CELSR1: variants seen among roughly 807,000 people sequenced by gnomAD.
CELSR1 encodes cadherin EGF LAG seven-pass G-type receptor 1, also known as adhesion G protein-coupled receptor C1.
CELSR1 carries 110 observed loss-of-function variants against 249.1 expected under a neutral mutation model. The observed-to-expected ratio is 0.44, with a 90% CI of 0.38 to 0.52. The LOEUF (loss-of-function observed/expected upper bound fraction) is 0.52, where lower values mean the gene tolerates loss of function less well. CELSR1 is among the 20% of genes least tolerant of loss of function. CELSR1 has a pLI of 0.00. For missense variants in CELSR1, 4,109 were observed against 4,296.4 expected (o/e 0.96, Z 1.22); for synonymous variants, 2,113 against 1,900.0 (o/e 1.11, Z -2.92).
intron 29 of CELSR1, 54 bp downstream of exon 29, chr22:46,366,938 GC>G: frequency 1.9e-6 from 2 of 1,049,436 alleles, no homozygotes; most frequent in South Asian, 1.3e-5. Context: ...ACCCTCCCCC[GC>G]CCCTCGAGAT....
chr22:46,511,494 G>A (rs1467728711), intron 1 of CELSR1, among the ~76,000 whole-genome samples: 1 of 152,246 alleles, frequency 6.6e-6, no homozygotes, highest in Non-Finnish European at 1.5e-5. Flanking sequence ...TAACACGATA[G>A]TGACTGTGCT....
At chr22:46,483,385 CTTTTTTTTTT>C (rs10647586) in intron 1 of CELSR1, among the ~76,000 whole-genome samples, 1 of 81,214 alleles carries the variant, frequency 1.2e-5, no homozygotes, top group African/African-American at 4.8e-5. Context: ...CTATTCCTGA[CTTTTTTTTTT>C]TTTTTTTTTT....
At chr22:46,416,493 G>C (rs2079403477) in intron 5 of CELSR1, among the ~76,000 whole-genome samples, 1 of 152,214 alleles carries the variant, frequency 6.6e-6, no homozygotes, top group African/African-American at 2.4e-5. Flanking sequence ...AAGGCAGGCA[G>C]CGCACACAGT....
intron 5 of CELSR1, among the ~76,000 whole-genome samples, chr22:46,416,893 A>C (rs1163721497): frequency 6.7e-6 from 1 of 148,478 alleles, no homozygotes; most frequent in African/African-American, 2.5e-5. Context: ...CCAGCCTTTT[A>C]ACCTGCTGCA....
At position 46,472,037 on chromosome 22, in the gene CELSR1, C is replaced by T. The variant is rs978230920; in HGVS notation, c.3545-7692G>A. Reference sequence around the variant, plus strand: ...CCACCCAGCACTCTCTCTGCCCGTGCTCCAGGCATTCCTCCCAGGCCTGGA... The same window carrying T: ...CCACCCAGCACTCTCTCTGCCCGTGTTCCAGGCATTCCTCCCAGGCCTGGA... On this transcript the variant is annotated intron_variant, in intron 1 of 34. Transcript: ENST00000674500. The surrounding 1 kb of genome is among the most constrained non-coding windows in gnomAD (Gnocchi z 7.0). Among the ~76,000 whole-genome samples the T allele has an allele frequency of 9.2e-5, 14 of 152,182 alleles. No homozygotes were observed. Among genetic ancestry groups the T allele is most frequent in the African/African-American group, 3.4e-4 (14 of 41,444 alleles).
chr22:46,411,585 C>T lies in CELSR1; in HGVS notation c.4769+17G>A. Reference sequence around the variant, plus strand: ...GGGGGTACGGACCCCCAGGGCCTCCCCTCCTGGGATGCTCACTTCTTGGAG... The same window carrying T: ...GGGGGTACGGACCCCCAGGGCCTCCTCTCCTGGGATGCTCACTTCTTGGAG... On this transcript the variant is annotated intron_variant, in intron 6 of 34. Coordinates refer to ENST00000674500, the MANE Select transcript of CELSR1 (RefSeq NM_001378328.1). The surrounding 1 kb of genome is among the most constrained non-coding windows in gnomAD (Gnocchi z 4.2). 6.2e-7 allele frequency: 1 copy of T among 1,613,888 alleles called. No homozygotes were observed. Among genetic ancestry groups the T allele is most frequent in the Non-Finnish European group, 8.5e-7 (1 of 1,179,928 alleles).
intron 1 of CELSR1, among the ~76,000 whole-genome samples, chr22:46,519,132 C>T (rs1391450075): frequency 6.6e-6 from 1 of 152,174 alleles, no homozygotes; most frequent in East Asian, 1.9e-4. Context: ...AAGCCAGACA[C>T]AAAAGCCCAC....
chr22:46,537,229 T>C lies in CELSR1; in HGVS notation c.-59A>G. The C allele has an allele frequency of 2.0e-6, 2 of 1,013,450 alleles. No individual in the cohort carries two copies. The highest frequency in any genetic ancestry group is 2.4e-6 in the Non-Finnish European group (2 of 850,272). The allele number at this position is 1,013,450 out of a possible 1,614,324, so 62.8% of individuals were successfully genotyped here. On this transcript the variant is annotated 5_prime_UTR_variant, in exon 1 of 35. Transcript: ENST00000674500. This position sits in a 1 kb window ranked among gnomAD's most constrained non-coding sequence, Gnocchi z 5.8. The stretch of plus-strand genomic sequence containing the variant: ...ACACAATCCATGCACCCGGCGCGCC[T>C]CCGCATCCACCCGGCGAGGCCGGGG...
At chr22:46,439,086 C>T in intron 3 of CELSR1, 103 bp downstream of exon 3, 3 of 1,133,156 alleles carry the variant, frequency 2.6e-6, no homozygotes, top group Non-Finnish European at 3.9e-6. Flanking sequence ...AAAGGCCACA[C>T]ACGGAGGACA....
chr22:46,384,100 A>AT (rs1434876242), intron 20 of CELSR1, among the ~76,000 whole-genome samples: 3 of 151,640 alleles, frequency 2.0e-5, no homozygotes, highest in Non-Finnish European at 2.9e-5. Context: ...GCAGCTGGCT[A>AT]TTTTTTGTAT....
chr22:46,415,381 C>T (rs983940128), intron 5 of CELSR1, among the ~76,000 whole-genome samples: 2 of 152,158 alleles, frequency 1.3e-5, no homozygotes, highest in African/African-American at 4.8e-5. Context: ...AACTCCTGAC[C>T]TCAAGTGATC....
rs775334833 is a variant in CELSR1 at position 46,410,357 on chromosome 22, T to G, written c.4933+41A>C. 1.3e-6 allele frequency: 2 copies of G among 1,599,116 alleles called. No homozygotes were observed. The highest frequency in any genetic ancestry group is 2.7e-5 in the African/African-American group (2 of 74,472). ...GTGTGGCTGCCGACGTCCAGCCAGA[T>G]GCCACTGCGGCAGCTCCGACGCCCT... On this transcript the variant is annotated intron_variant, in intron 7 of 34. Transcript: ENST00000674500. The surrounding 1 kb of genome is among the most constrained non-coding windows in gnomAD (Gnocchi z 6.8).
At chr22:46,439,481 G>A (rs975914375) in intron 2 of CELSR1, 70 bp from the exon 3 acceptor site, 45 of 1,322,314 alleles carry the variant, frequency 3.4e-5, no homozygotes, top group South Asian at 2.1e-4. Context: ...CGAGCCTGTC[G>A]CAGACCCTGG....
At chr22:46,370,027 G>A (rs1159587203) in intron 25 of CELSR1, 7 of 630,952 alleles carry the variant, frequency 1.1e-5, no homozygotes, top group African/African-American at 7.2e-5. Flanking sequence ...CTCCTGGATT[G>A]GCCCCATGAG....
In CELSR1 at chr22:46,391,879, G is replaced by C. The variant is rs561913948; in HGVS notation, c.5965-63C>G. On this transcript the variant is annotated intron_variant, in intron 14 of 34. Coordinates refer to ENST00000674500, the MANE Select transcript of CELSR1 (RefSeq NM_001378328.1). This position sits in a 1 kb window ranked among gnomAD's most constrained non-coding sequence, Gnocchi z 4.3. ...CCCGGGAGAGGCCCTACCTTGCAGC[G>C]TGTTTCCCGAGCGACGTCCAGACTC... 1.3e-6 allele frequency: 2 copies of C among 1,526,904 alleles called. No individual in the cohort carries two copies. Among genetic ancestry groups the C allele is most frequent in the Non-Finnish European group, 1.8e-6 (2 of 1,135,052 alleles). 94.6% of individuals were successfully genotyped at this position (1,526,904 alleles called of 1,614,324 possible).
chr22:46,397,718 C>T lies in CELSR1; in HGVS notation c.5657G>A (p.Arg1886His), dbSNP rs748366066. 39 of 1,580,196 alleles carry T rather than the reference C, an allele frequency of 2.5e-5. No homozygotes were observed. Among genetic ancestry groups the T allele is most frequent in the East Asian group, 4.7e-5 (2 of 42,874 alleles). The part of the protein sequence containing the change: ...CTSSPCPPNS[R>H]CHDAWEDYSC... ...GTAGTCCTCCCAGGCGTCGTGGCAG[C>T]GGCTATTGGGGGGACAGGGGCTCGA... The change falls in exon 12 of 35, where the codon CGC (arginine) becomes CAC (histidine). Residue 1886 changes from arginine to histidine, a missense_variant. Coordinates refer to ENST00000674500, the MANE Select transcript of CELSR1 (RefSeq NM_001378328.1).
chr22:46,421,184 A>G (rs1771050761), intron 5 of CELSR1, among the ~76,000 whole-genome samples: 1 of 151,108 alleles, frequency 6.6e-6, no homozygotes, highest in South Asian at 2.1e-4. Flanking sequence ...TTCAGCCACC[A>G]CCACCCTCCC....
At chr22:46,487,455 A>G (rs1271828928) in intron 1 of CELSR1, among the ~76,000 whole-genome samples, 1 of 144,164 alleles carries the variant, frequency 6.9e-6, no homozygotes, top group Non-Finnish European at 1.5e-5. Context: ...CAAGAGGGAA[A>G]ACCACAGTCC....
chr22:46,485,985 C>G (rs2080309563), intron 1 of CELSR1, among the ~76,000 whole-genome samples: 2 of 141,050 alleles, frequency 1.4e-5, no homozygotes, highest in East Asian at 2.1e-4. Flanking sequence ...TCGCCCAGGC[C>G]GGAGTGCAGT....
Sources: gnomAD v4.1 joint callset for allele counts (sites outside exome capture counted in the v4.1 genomes callset) on GRCh38, gnomAD v4.1.1 for gene constraint, Gnocchi (gnomAD v3.1) non-coding constraint, MANE v1.5 for transcripts, NCBI Gene and HGNC (gene_info 2026-07-23, HGNC 2026-07-21) for gene names.